The following PCDHGA2 variants were observed in gnomAD, a reference collection of about 807,000 sequenced individuals.
PCDHGA2 encodes the protein protocadherin gamma subfamily A, 2, also known as protocadherin gamma-A2.
A neutral mutation model predicts 59.2 loss-of-function variants in PCDHGA2; 40 were observed. The ratio of observed to expected loss-of-function variants is 0.68; its 90% CI spans 0.52 to 0.88. The LOEUF is 0.88. Among genes scored for constraint, PCDHGA2 ranks in the 40% least tolerant of loss-of-function variants. The probability of loss-of-function intolerance (pLI) is 0.00; values close to 1 mark genes in which losing one functional copy is unlikely to be tolerated. For missense variants in PCDHGA2, 1,226 were observed against 1,204.0 expected, an observed-to-expected ratio of 1.02 and a Z score of -0.27; for synonymous variants, 560 against 526.0, an observed-to-expected ratio of 1.06 and a Z score of -0.89.
rs766474451 is a variant in PCDHGA2 at position 141,477,676 on chromosome 5, AT to A, written c.2425-17130del. On this transcript the variant is annotated intron_variant, in intron 1 of 3. Coordinates refer to ENST00000394576, the MANE Select transcript of PCDHGA2 (RefSeq NM_018915.4). This position sits in a 1 kb window ranked among gnomAD's most constrained non-coding sequence, Gnocchi z 4.9. ...TAAATCGTGACAATGGCATAGTGTCATCCTTAGTGCCCCTAGACTATGAGGA... is the reference window on the plus strand; with the variant it reads ...TAAATCGTGACAATGGCATAGTGTCACCTTAGTGCCCCTAGACTATGAGGA... 6.2e-7 allele frequency: 1 copy of A among 1,614,194 alleles called. No homozygotes were observed. The highest frequency in any genetic ancestry group is 2.2e-5 in the East Asian group (1 of 44,886).
chr5:141,436,840 C>T (rs1195342311), intron 1 of PCDHGA2, among the ~76,000 whole-genome samples: 1 of 152,220 alleles, frequency 6.6e-6, no homozygotes, highest in Admixed American at 6.5e-5. Flanking sequence ...TGCCTAGGCA[C>T]ATTCTTGATT....
chr5:141,482,609 A>G (rs2099569274), intron 1 of PCDHGA2, among the ~76,000 whole-genome samples: 1 of 151,770 alleles, frequency 6.6e-6, no homozygotes, highest in African/African-American at 2.4e-5. Context: ...AAACACCTAA[A>G]TGAGCCTGGA....
rs768015584 is a variant in PCDHGA2, at chr5:141,356,906, C to T, written c.2424+15511C>T. ...GAGATCCTGTACCCCACCTTCCCTA[C>T]TGATGGCTCCACTGGTGTGGAGCTG... is the stretch of plus-strand genomic sequence containing the variant. On this transcript the variant is annotated intron_variant, in intron 1 of 3. Coordinates refer to ENST00000394576, the MANE Select transcript of PCDHGA2 (RefSeq NM_018915.4). 7.4e-6 allele frequency: 12 copies of T among 1,614,110 alleles called. No individual in the cohort carries two copies. In the Admixed American group the frequency reaches 8.3e-5, roughly 11 times the overall value.
At position 141,480,425 on chromosome 5, in the gene PCDHGA2, AT is replaced by A. The variant is rs553131122; in HGVS notation, c.2425-14380del. On this transcript the variant is annotated intron_variant, in intron 1 of 3. Transcript: ENST00000394576. ...GTGAGACCCTGTCTCAAAAAAAAAA[AT>A]TATCAGCTATTACTATAATTATTTT... 2.3e-4 allele frequency among the ~76,000 whole-genome samples: 34 copies of A among 149,340 alleles called. 1 individual carries two copies. In the South Asian group the frequency reaches 6.0e-3, roughly 26 times the overall value.
chr5:141,390,276 C>G (rs1475873829), intron 1 of PCDHGA2: 5 of 1,613,990 alleles, frequency 3.1e-6, no homozygotes, highest in Non-Finnish European at 4.2e-6. Context: ...ATTGACTTCC[C>G]ATCAGGTGAG....
At position 141,431,338 on chromosome 5, in the gene PCDHGA2, A is replaced by G; in HGVS notation, c.2425-63469A>G. On this transcript the variant is annotated intron_variant, in intron 1 of 3. Transcript: ENST00000394576. This position sits in a 1 kb window ranked among gnomAD's most constrained non-coding sequence, Gnocchi z 4.8. ...GAGCCGACGGTAGTAAGTACCCCGA[A>G]TTGGTGCTGAAACGCGCCCTGGACC... 1 of 1,614,068 alleles carries G rather than the reference A, an allele frequency of 6.2e-7. No homozygotes were observed. The highest frequency in any genetic ancestry group is 8.5e-7 in the Non-Finnish European group (1 of 1,180,032).
Position 141,349,827 on chromosome 5 carries a change from T to C in PCDHGA2, c.2424+8432T>C, listed in dbSNP as rs551311539. On this transcript the variant is annotated intron_variant, in intron 1 of 3. Coordinates refer to ENST00000394576, the MANE Select transcript of PCDHGA2 (RefSeq NM_018915.4). ...CCCCCAAAACTGAAAAAAATGGCAG[T>C]GTACCTTGTGAATTTTTTAAATGAA... Among the ~76,000 whole-genome samples the C allele has an allele frequency of 3.3e-5, 5 of 152,234 alleles. 1 individual carries two copies. Among genetic ancestry groups the C allele is most frequent in the Middle Eastern group, 6.8e-3 (2 of 294 alleles).
chr5:141,388,937 C>T, intron 1 of PCDHGA2: 1 of 1,613,964 alleles, frequency 6.2e-7, no homozygotes, highest in Non-Finnish European at 8.5e-7. Context: ...AGTCTCTACC[C>T]AACCTAATTA....
intron 1 of PCDHGA2, chr5:141,405,031 CGTT>C: frequency 6.2e-7 from 1 of 1,613,968 alleles, no homozygotes; most frequent in Admixed American, 1.7e-5. Flanking sequence ...CCCTCTACCT[CGTT>C]GTGGCTGTGG....
intron 1 of PCDHGA2, chr5:141,389,691 T>G: frequency 6.2e-7 from 1 of 1,612,564 alleles, no homozygotes; most frequent in Non-Finnish European, 8.5e-7. Context: ...CGCCTGGCTG[T>G]CCTACCACGT....
chr5:141,485,682 A>G lies in PCDHGA2; in HGVS notation c.2425-9125A>G, dbSNP rs779441999. Reference sequence around the variant, plus strand: ...GTGGGGAGCAATTCGATTAGCAGCTATAGGCTGAGCTCCAATGAACACTTT... The same window carrying G: ...GTGGGGAGCAATTCGATTAGCAGCTGTAGGCTGAGCTCCAATGAACACTTT... On this transcript the variant is annotated intron_variant, in intron 1 of 3. Coordinates refer to ENST00000394576, the MANE Select transcript of PCDHGA2 (RefSeq NM_018915.4). This position sits in a 1 kb window ranked among gnomAD's most constrained non-coding sequence, Gnocchi z 5.7. 6.2e-7 allele frequency: 1 copy of G among 1,614,076 alleles called. No homozygotes were observed. Among genetic ancestry groups the G allele is most frequent in the Non-Finnish European group, 8.5e-7 (1 of 1,179,964 alleles).
chr5:141,403,354 G>A, intron 1 of PCDHGA2: 7 of 1,614,048 alleles, frequency 4.3e-6, no homozygotes, highest in Non-Finnish European at 5.9e-6. Flanking sequence ...CAAAGTTCCA[G>A]GCCGAAAGTC....
intron 1 of PCDHGA2, among the ~76,000 whole-genome samples, chr5:141,439,161 C>T (rs1384707803): frequency 6.6e-6 from 1 of 150,850 alleles, no homozygotes; most frequent in Non-Finnish European, 1.5e-5. Flanking sequence ...CCACTGCACT[C>T]CAGCCTGGGC....
intron 1 of PCDHGA2, chr5:141,362,562 C>T (rs1762569349): frequency 6.2e-7 from 1 of 1,608,438 alleles, no homozygotes; most frequent in Non-Finnish European, 8.5e-7. Context: ...TGAAGGTGAG[C>T]TTTAATTAAT....
chr5:141,501,701 G>A (rs747266621), intron 2 of PCDHGA2, among the ~76,000 whole-genome samples: 3 of 151,984 alleles, frequency 2.0e-5, no homozygotes, highest in East Asian at 1.9e-4. Flanking sequence ...GGGTGATTCC[G>A]AGGATAAAAA....
At chr5:141,372,786 TC>T in intron 1 of PCDHGA2, 1 of 1,605,598 alleles carries the variant, frequency 6.2e-7, no homozygotes, top group Non-Finnish European at 8.5e-7. Context: ...AGAAATGCCT[TC>T]TAATTCAGGC....
At chr5:141,478,850 A>T in intron 1 of PCDHGA2, 1 of 1,376,726 alleles carries the variant, frequency 7.3e-7, no homozygotes, top group South Asian at 1.5e-5. Context: ...AAGCTAAAAC[A>T]CAAGATCTCA....
chr5:141,392,194 T>C (rs1486735796), intron 1 of PCDHGA2: 1 of 152,238 alleles, frequency 6.6e-6, no homozygotes, highest in East Asian at 1.9e-4. Context: ...TCTATTTTAG[T>C]CTCAAGATAA....
At chr5:141,378,996 A>G (rs1477172762) in intron 1 of PCDHGA2, 1 of 152,260 alleles carries the variant, frequency 6.6e-6, no homozygotes, top group Non-Finnish European at 1.5e-5. Context: ...CATTATAGTC[A>G]AGATTTTTCT....
Sources: allele counts gnomAD v4.1 joint callset (sites outside exome capture counted in the v4.1 genomes callset), GRCh38; gene constraint gnomAD v4.1.1; non-coding constraint Gnocchi (gnomAD v3.1); transcripts MANE v1.5; gene names NCBI Gene and HGNC (gene_info 2026-07-23, HGNC 2026-07-21).